The following C2orf42 variants were observed in gnomAD, a reference collection of about 807,000 sequenced individuals.
C2orf42 encodes chromosome 2 open reading frame 42, also known as uncharacterized protein C2orf42.
C2orf42 carries 44 observed loss-of-function variants against 58.9 expected under a neutral mutation model. The ratio of observed to expected loss-of-function variants is 0.75; its 90% CI spans 0.59 to 0.96. The LOEUF (loss-of-function observed/expected upper bound fraction) is 0.96, where lower values mean the gene tolerates loss of function less well. Ranked by LOEUF, C2orf42 falls within the 40% of genes least tolerant of loss-of-function variation. The pLI, the probability that C2orf42 is intolerant of heterozygous loss-of-function variation, is 0.00. For missense variants in C2orf42, 630 were observed against 699.2 expected (o/e 0.90, Z 1.12); for synonymous variants, 239 against 265.4 (o/e 0.90, Z 0.97).
Position 70,181,700 on chromosome 2 carries a change from CT to C in C2orf42, c.285del (p.Glu96ArgfsTer15). 1 of 1,614,168 alleles carries C rather than the reference CT, an allele frequency of 6.2e-7. No homozygotes were observed. The highest frequency in any genetic ancestry group is 8.5e-7 in the Non-Finnish European group (1 of 1,180,032). ...DYRCFVELGVSETTIQTVDGT... is the reference protein window; with the variant it reads ...DYRCFVELGVXETTIQTVDGT... ...CCATCCACTGTCTGGATTGTTGTCT[CT>C]GAAACCCCGAGCTCCACAAAGCATC... On this transcript the variant is annotated frameshift_variant, in exon 3 of 10. Coordinates refer to ENST00000264434, the MANE Select transcript of C2orf42 (RefSeq NM_017880.3). LOFTEE classifies it high-confidence loss of function.
In C2orf42 at chr2:70,150,381, G is replaced by A. The variant is rs771453958; in HGVS notation, c.1700C>T (p.Pro567Leu). The A allele has an allele frequency of 6.2e-7, 1 of 1,613,992 alleles. No individual in the cohort carries two copies. The highest frequency in any genetic ancestry group is 1.1e-5 in the South Asian group (1 of 91,076). Residue 567 changes from proline (P) to leucine (L), a missense_variant, in exon 10 of 10, where the codon CCT becomes CTT. Transcript: ENST00000264434. The stretch of plus-strand genomic sequence containing the variant: ...TTAAGGGAAAGTAATAGTGGTCAGA[G>A]GGGCCAGTTCCAAGGGCTGGTCCAA... ...PPLDQPLELA[P>L]LTTITFP
intron 9 of C2orf42, among the ~76,000 whole-genome samples, chr2:70,151,717 G>A (rs1672323930): frequency 6.6e-6 from 1 of 152,014 alleles, no homozygotes; most frequent in African/African-American, 2.4e-5. Flanking sequence ...AATTAACAAT[G>A]TATATACATT....
chr2:70,155,214 G>C (rs1672586914), intron 9 of C2orf42, among the ~76,000 whole-genome samples: 1 of 152,080 alleles, frequency 6.6e-6, no homozygotes, highest in Non-Finnish European at 1.5e-5. Flanking sequence ...CTGCACTCCA[G>C]CCTGGTGTCA....
chr2:70,167,367 A>G (rs968608008), intron 6 of C2orf42, among the ~76,000 whole-genome samples: 3 of 151,600 alleles, frequency 2.0e-5, no homozygotes, highest in African/African-American at 7.3e-5. Flanking sequence ...CAAAAAAAAA[A>G]AAAGAAAAGA....
At chr2:70,171,552 CCAGG>C (rs1411384288) in intron 5 of C2orf42, among the ~76,000 whole-genome samples, 1 of 151,956 alleles carries the variant, frequency 6.6e-6, no homozygotes, top group African/African-American at 2.4e-5. Flanking sequence ...GCTCTGTTGC[CCAGG>C]CTAGAGTGCA....
rs1040203961 is a variant in C2orf42, at chr2:70,150,279, G to A, written c.*77C>T. 4.0e-6 allele frequency: 5 copies of A among 1,241,966 alleles called. No homozygotes were observed. In the African/African-American group the frequency reaches 4.4e-5, roughly 11 times the overall value. 76.9% of individuals were successfully genotyped at this position (1,241,966 alleles called of 1,614,324 possible). A position where few individuals can be genotyped will look rare whatever the true frequency, so the allele number is the denominator to read the frequency against. Reference sequence around the variant, plus strand: ...TACCAAGGAACAGGGCCATCTAAGTGCCTAACTAGCATTTAAAGTTGTCAA... The same window carrying A: ...TACCAAGGAACAGGGCCATCTAAGTACCTAACTAGCATTTAAAGTTGTCAA... On this transcript the variant is annotated 3_prime_UTR_variant, in exon 10 of 10. Transcript: ENST00000264434.
rs4853372 is a variant in C2orf42 at position 70,175,657 on chromosome 2, G to C, written c.1039+16C>G. 25,788 of 1,496,746 alleles carry C rather than the reference G, an allele frequency of 0.017. 2,880 individuals are homozygous for C. In the Admixed American group the frequency reaches 0.26, roughly 15 times the overall value. 92.7% of individuals were successfully genotyped at this position (1,496,746 alleles called of 1,614,324 possible). On this transcript the variant is annotated intron_variant, in intron 5 of 9. Coordinates refer to ENST00000264434, the MANE Select transcript of C2orf42 (RefSeq NM_017880.3). ...CTTTCCACCACTGTAGCCTATTCTA[G>C]GGAAGGGAAACTTACCCTGCCTTTT...
intron 5 of C2orf42, among the ~76,000 whole-genome samples, chr2:70,170,709 G>A (rs1409558128): frequency 6.6e-6 from 1 of 150,660 alleles, no homozygotes; most frequent in Non-Finnish European, 1.5e-5. Context: ...AACTGAGATC[G>A]TGCCACAGCA....
intron 5 of C2orf42, among the ~76,000 whole-genome samples, chr2:70,169,961 G>A (rs937531146): frequency 1.3e-5 from 2 of 151,984 alleles, no homozygotes; most frequent in Non-Finnish European, 2.9e-5. Flanking sequence ...GTTTCATCAT[G>A]TTGGCCAGGC....
intron 5 of C2orf42, among the ~76,000 whole-genome samples, chr2:70,171,291 GTAAA>G (rs1244552400): frequency 3.9e-5 from 6 of 151,930 alleles, no homozygotes; most frequent in Admixed American, 6.6e-5. Flanking sequence ...AAATAAATAA[GTAAA>G]TAAATAAAAA....
chr2:70,173,260 G>C (rs953978491), intron 5 of C2orf42, among the ~76,000 whole-genome samples: 1 of 146,438 alleles, frequency 6.8e-6, no homozygotes, highest in Non-Finnish European at 1.5e-5. Flanking sequence ...GCCTAAGTGC[G>C]TAAGTTCTTT....
rs761694479 is a variant in C2orf42, at chr2:70,175,766, T to C, written c.946A>G (p.Asn316Asp). 1 of 1,604,358 alleles carries C rather than the reference T, an allele frequency of 6.2e-7. No homozygotes were observed. The highest frequency in any genetic ancestry group is 2.2e-5 in the East Asian group (1 of 44,820). Residue 316 changes from asparagine (N) to aspartate (D), a missense_variant, in exon 5 of 10, where the codon AAC becomes GAC. By Grantham distance (23) the Asn-to-Asp change is conservative. Transcript: ENST00000264434. ...GCATCTTGAGGCAGTAGTGAACTGTTCATCTGTGCACCTAAACCACAAATC... is the reference window on the plus strand; with the variant it reads ...GCATCTTGAGGCAGTAGTGAACTGTCCATCTGTGCACCTAAACCACAAATC... ...RKDEVSGAQM[N>D]SSLLPQDAVS... is the part of the protein sequence containing the mutation.
intron 1 of C2orf42, among the ~76,000 whole-genome samples, chr2:70,187,686 T>C (rs1248012408): frequency 6.6e-6 from 1 of 152,106 alleles, no homozygotes; most frequent in Non-Finnish European, 1.5e-5. Context: ...ACACATTTAT[T>C]ACATTTTAGT....
intron 9 of C2orf42, 83 bp from the exon 10 acceptor site, chr2:70,150,647 G>A: frequency 1.1e-6 from 1 of 933,940 alleles, no homozygotes; most frequent in Non-Finnish European, 1.7e-6. Flanking sequence ...TCCGGAATTG[G>A]AGCAGCCTGT....
At chr2:70,188,477 G>C (rs536419362) in intron 1 of C2orf42, among the ~76,000 whole-genome samples, 1 of 152,072 alleles carries the variant, frequency 6.6e-6, no homozygotes, top group East Asian at 1.9e-4. Flanking sequence ...GGCGTGAGCC[G>C]CTATGCCTGG....
intron 5 of C2orf42, among the ~76,000 whole-genome samples, chr2:70,171,424 T>C (rs1338427941): frequency 1.3e-5 from 2 of 152,308 alleles, no homozygotes; most frequent in Admixed American, 1.3e-4. Flanking sequence ...CACAAATAGA[T>C]GACTGAGTGA....
At chr2:70,186,598 A>G (rs1674951688) in intron 1 of C2orf42, among the ~76,000 whole-genome samples, 1 of 152,204 alleles carries the variant, frequency 6.6e-6, no homozygotes, top group Admixed American at 6.6e-5. Context: ...CCATCCCATT[A>G]CTGGGTATAT....
chr2:70,173,806 T>C (rs1204883205), intron 5 of C2orf42, among the ~76,000 whole-genome samples: 1 of 151,496 alleles, frequency 6.6e-6, no homozygotes, highest in Non-Finnish European at 1.5e-5. Flanking sequence ...TTTTGTGTTT[T>C]TTTTGGTAGA....
At chr2:70,169,158 G>A (rs1657900396) in intron 6 of C2orf42, among the ~76,000 whole-genome samples, 1 of 151,906 alleles carries the variant, frequency 6.6e-6, no homozygotes, top group Admixed American at 6.6e-5. Flanking sequence ...TCACTATGTT[G>A]TGCAGGCTTA....
Sources: allele counts gnomAD v4.1 joint callset (sites outside exome capture counted in the v4.1 genomes callset), GRCh38; gene constraint gnomAD v4.1.1; transcripts MANE v1.5; gene names NCBI Gene and HGNC (gene_info 2026-07-23, HGNC 2026-07-21).